Variants in SH3BGR observed in about 807,000 individuals in gnomAD.
SH3BGR encodes SH3 domain-binding glutamic acid-rich protein.
A neutral mutation model predicts 24.5 loss-of-function variants in SH3BGR; 29 were observed. The ratio of observed to expected loss-of-function variants is 1.18; its 90% CI spans 0.88 to 1.61. SH3BGR has a LOEUF of 1.61. Among genes scored for constraint, SH3BGR ranks in the 40% most tolerant of loss-of-function variants. The pLI is 0.00. For missense variants in SH3BGR, 162 were observed against 205.8 expected, an observed-to-expected ratio of 0.79 and a Z score of 1.30; for synonymous variants, 55 against 65.7, an observed-to-expected ratio of 0.84 and a Z score of 0.79.
At chr21:39,465,617 G>T (rs938813827) in intron 2 of SH3BGR, among the ~76,000 whole-genome samples, 2 of 152,120 alleles carry the variant, frequency 1.3e-5, no homozygotes, top group East Asian at 1.9e-4. Context: ...TTATGATAGG[G>T]TCTCACTGTG....
chr21:39,500,567 A>C (rs1386250339), intron 4 of SH3BGR, among the ~76,000 whole-genome samples: 1 of 152,046 alleles, frequency 6.6e-6, no homozygotes, highest in East Asian at 1.9e-4. Flanking sequence ...AGGAGTTCTG[A>C]AAATGTGCTG....
In SH3BGR at chr21:39,475,193, T is replaced by G. The variant is rs1333939255; in HGVS notation, c.290T>G (p.Leu97Trp). The change falls in exon 3 of 7, where the codon TTG becomes TGG. Residue 97 changes from leucine to tryptophan, a missense_variant. Physicochemically the swap from Leu to Trp is moderately conservative, Grantham distance 61 (BLOSUM62 -2). Coordinates refer to ENST00000333634, the MANE Select transcript of SH3BGR (RefSeq NM_007341.3). Reference sequence around the variant, plus strand: ...AATATTATTTATTCCTTCCTTGGTTTGGCTCCTCCTCCAGACTCAAAGGTA... The same window carrying G: ...AATATTATTTATTCCTTCCTTGGTTGGGCTCCTCCTCCAGACTCAAAGGTA... ...EENIIYSFLG[L>W]APPPDSKGSE... 13 of 1,610,948 alleles carry G rather than the reference T, an allele frequency of 8.1e-6. No individual in the cohort carries two copies. The highest frequency in any genetic ancestry group is 1.1e-5 in the Non-Finnish European group (13 of 1,177,392).
intron 2 of SH3BGR, among the ~76,000 whole-genome samples, chr21:39,468,944 T>C (rs182854447): frequency 3.3e-5 from 5 of 152,258 alleles, no homozygotes; most frequent in Admixed American, 6.5e-5. Context: ...GAATGGACTG[T>C]TTAGGCTTTC....
Position 39,452,016 on chromosome 21 carries a change from C to A in SH3BGR, c.-81C>A. The A allele has an allele frequency of 6.2e-7, 1 of 1,614,154 alleles. No individual in the cohort carries two copies. ...CAGCCCCGACCTGGCACTTGCTTGC[C>A]TGTGTCACTGTCAGGATTTGTCTAG... On this transcript the variant is annotated 5_prime_UTR_variant, in exon 1 of 7. It adds an upstream start codon to the 5' untranslated region. Transcript: ENST00000333634.
chr21:39,488,721 A>G, intron 3 of SH3BGR: 1 of 462,070 alleles, frequency 2.2e-6, no homozygotes, highest in Non-Finnish European at 4.4e-6. Flanking sequence ...AGGCAGAAGT[A>G]GAGATGCTGG....
At chr21:39,485,979 C>T (rs917425515) in intron 3 of SH3BGR, among the ~76,000 whole-genome samples, 3 of 152,170 alleles carry the variant, frequency 2.0e-5, no homozygotes, top group Admixed American at 6.5e-5. Context: ...TGAGCCACCA[C>T]GCCCGGCCGG....
At chr21:39,500,549 C>T (rs2078477043) in intron 4 of SH3BGR, among the ~76,000 whole-genome samples, 1 of 152,034 alleles carries the variant, frequency 6.6e-6, no homozygotes, top group East Asian at 1.9e-4. Flanking sequence ...GGATGGGCCA[C>T]TTCTTCAAGG....
intron 4 of SH3BGR, among the ~76,000 whole-genome samples, chr21:39,503,359 T>G (rs79480810): frequency 2.0e-5 from 3 of 152,174 alleles, no homozygotes; most frequent in Non-Finnish European, 2.9e-5. Flanking sequence ...AGAAATGCAA[T>G]GCATTGGTGC....
At chr21:39,508,884 GTGT>G (rs1327220225) in intron 4 of SH3BGR, 111 bp from the exon 5 acceptor site, 38 of 705,042 alleles carry the variant, frequency 5.4e-5, no homozygotes, top group Non-Finnish European at 8.6e-5. Context: ...ATAAACTAAT[GTGT>G]TGTTCATTTT....
chr21:39,465,494 A>C (rs2077826204), intron 2 of SH3BGR, among the ~76,000 whole-genome samples: 1 of 152,150 alleles, frequency 6.6e-6, no homozygotes, highest in Non-Finnish European at 1.5e-5. Context: ...TTTACAACTG[A>C]ATGTCATTTA....
At chr21:39,512,904 T>G (rs1395829346) in intron 6 of SH3BGR, among the ~76,000 whole-genome samples, 1 of 152,224 alleles carries the variant, frequency 6.6e-6, no homozygotes, top group Non-Finnish European at 1.5e-5. Flanking sequence ...CATGTTGTAT[T>G]ATTATTAATA....
intron 2 of SH3BGR, 58 bp from the exon 3 acceptor site, chr21:39,475,077 A>AT: frequency 9.2e-7 from 1 of 1,083,322 alleles, no homozygotes; most frequent in East Asian, 2.4e-5. Context: ...CAGTTTCCGT[A>AT]AATAAACTGG....
chr21:39,492,161 G>A (rs1360357768), intron 3 of SH3BGR, among the ~76,000 whole-genome samples: 1 of 152,040 alleles, frequency 6.6e-6, no homozygotes, highest in Non-Finnish European at 1.5e-5. Context: ...TGATTTGTGA[G>A]ATTTTGGTGC....
upstream of SH3BGR, among the ~76,000 whole-genome samples, chr21:39,447,597 T>G (rs952561079): frequency 6.6e-6 from 1 of 151,874 alleles, no homozygotes; most frequent in Non-Finnish European, 1.5e-5. Context: ...TTTTGTATTT[T>G]TAGTAGAGAT....
intron 1 of SH3BGR, among the ~76,000 whole-genome samples, chr21:39,454,230 T>G (rs1257080202): frequency 6.6e-6 from 1 of 152,226 alleles, no homozygotes; most frequent in Non-Finnish European, 1.5e-5. Flanking sequence ...CCCATGCTAC[T>G]GTGTGGCAGT....
At chr21:39,458,840 T>C (rs2077707867) in intron 1 of SH3BGR, among the ~76,000 whole-genome samples, 1 of 151,580 alleles carries the variant, frequency 6.6e-6, no homozygotes, top group Non-Finnish European at 1.5e-5. Context: ...AGAGACGAGG[T>C]TTTACCATGT....
At chr21:39,468,354 G>C (rs2077878383) in intron 2 of SH3BGR, among the ~76,000 whole-genome samples, 1 of 152,342 alleles carries the variant, frequency 6.6e-6, no homozygotes, top group East Asian at 1.9e-4. Context: ...GCACTATCCA[G>C]TTTAAGAAGG....
intron 1 of SH3BGR, among the ~76,000 whole-genome samples, chr21:39,457,289 TTATAA>T (rs200728858): frequency 0.18 from 25,846 of 141,996 alleles, 2,554 homozygotes; most frequent in Middle Eastern, 0.22. Context: ...TATAAGATTA[TTATAA>T]TATAGTTACA....
At chr21:39,457,547 T>C (rs2077682824) in intron 1 of SH3BGR, among the ~76,000 whole-genome samples, 1 of 147,396 alleles carries the variant, frequency 6.8e-6, no homozygotes, top group African/African-American at 2.5e-5. Context: ...TATATAAGAT[T>C]ATTATATATT....
Sources: gnomAD v4.1 joint callset for allele counts (sites outside exome capture counted in the v4.1 genomes callset) on GRCh38, gnomAD v4.1.1 for gene constraint, MANE v1.5 for transcripts, NCBI Gene and HGNC (gene_info 2026-07-23, HGNC 2026-07-21) for gene names.